CARHSP1: variants seen among roughly 807,000 people sequenced by gnomAD.
The protein encoded by CARHSP1 is calcium-regulated heat-stable protein 1.
CARHSP1 carries 14 observed loss-of-function variants against 12.5 expected under a neutral mutation model. The observed-to-expected ratio is 1.12, with a 90% CI of 0.74 to 1.75. CARHSP1 has a LOEUF of 1.75. CARHSP1 is among the 40% of genes most tolerant of loss of function. The pLI, the probability that CARHSP1 is intolerant of heterozygous loss-of-function variation, is 0.00. For missense variants in CARHSP1, 343 were observed against 201.6 expected (o/e 1.70, Z -4.25); for synonymous variants, 161 against 82.0 (o/e 1.96, Z -5.20).
chr16:8,861,522 G>C lies in CARHSP1; in HGVS notation c.-7-2187C>G, dbSNP rs530274609. The C allele has an allele frequency of 6.4e-5, 67 of 1,046,644 alleles. No individual in the cohort carries two copies. In the African/African-American group the frequency reaches 9.0e-4, roughly 14 times the overall value. 64.8% of individuals were successfully genotyped at this position (1,046,644 alleles called of 1,614,324 possible). On this transcript the variant is annotated intron_variant, in intron 1 of 3. Coordinates refer to ENST00000311052, the MANE Select transcript of CARHSP1 (RefSeq NM_014316.4). ...GCATAGCCACCCAAGAACCAGGCCC[G>C]ACTGCTCAGAGGAGAAGGGATGCCC... is the stretch of plus-strand genomic sequence containing the variant.
chr16:8,858,705 T>TTCCAGGAG, intron 2 of CARHSP1: 1 of 537,512 alleles, frequency 1.9e-6, no homozygotes. Context: ...TTTTCCCTCC[T>TTCCAGGAG]GGAAAGAGGG....
Position 8,857,263 on chromosome 16 carries a change from G to GTTTTTTGTTTTTTGTTTT in CARHSP1, c.281+1086_281+1087insAAAACAAAAAACAAAAAA, listed in dbSNP as rs1315960023. The stretch of plus-strand genomic sequence containing the variant: ...TGGCTATGTGATCTTGGGCAGATCT[G>GTTTTTTGTTTTTTGTTTT]TTTTTTTTTTTTTTTTTTTTTTTTT... On this transcript the variant is annotated intron_variant, in intron 3 of 3. Transcript: ENST00000311052. 3.2e-4 allele frequency among the ~76,000 whole-genome samples: 18 copies of GTTTTTTGTTTTTTGTTTT among 57,036 alleles called. 1 individual carries two copies. Among genetic ancestry groups the GTTTTTTGTTTTTTGTTTT allele is most frequent in the African/African-American group, 8.4e-4 (15 of 17,920 alleles). The allele number at this position is 57,036 out of a possible 152,430, so 37.4% of individuals were successfully genotyped here.
intron 1 of CARHSP1, chr16:8,861,627 T>C: frequency 4.7e-6 from 6 of 1,289,124 alleles, no homozygotes; most frequent in Non-Finnish European, 6.1e-6. Flanking sequence ...GCTGGGAAGC[T>C]GGTGGCTGGC....
intron 1 of CARHSP1, chr16:8,861,623 A>C: frequency 7.8e-7 from 1 of 1,289,066 alleles, no homozygotes; most frequent in South Asian, 1.2e-5. Flanking sequence ...TCGGGCTGGG[A>C]AGCTGGTGGC....
intron 1 of CARHSP1, chr16:8,860,537 G>A (rs551277360): frequency 2.0e-6 from 2 of 985,280 alleles, no homozygotes; most frequent in Admixed American, 6.1e-5. Context: ...AGGCCCTTGG[G>A]TAAGTCCTTT....
intron 3 of CARHSP1, 34 bp downstream of exon 3, chr16:8,858,316 C>G (rs746932306): frequency 1.6e-5 from 25 of 1,607,584 alleles, no homozygotes; most frequent in Non-Finnish European, 2.0e-5. Flanking sequence ...AGCGCCCACC[C>G]CAGCCAGGCC....
At chr16:8,866,378 G>C in intron 1 of CARHSP1, 1 of 938,746 alleles carries the variant, frequency 1.1e-6, no homozygotes, top group Non-Finnish European at 1.3e-6. Context: ...GAAGGGAAAT[G>C]GCGCAGGGAT....
chr16:8,858,132 A>T (rs2061209012), intron 3 of CARHSP1: 2 of 587,800 alleles, frequency 3.4e-6, no homozygotes, highest in East Asian at 5.8e-5. Context: ...TGTCGCCCCC[A>T]GCCTCACATC....
Position 8,853,865 on chromosome 16 carries a change from C to A in CARHSP1, c.*1299G>T, listed in dbSNP as rs909208212. 1 of 152,198 alleles carries A rather than the reference C, an allele frequency of 6.6e-6. No individual in the cohort carries two copies. The highest frequency in any genetic ancestry group is 1.5e-5 in the Non-Finnish European group (1 of 68,040). The allele number at this position is 152,198 out of a possible 1,614,324, so 9.4% of individuals were successfully genotyped here. ...CTTTGAGAGGCCGAGATGGGCAGAT[C>A]ATCTGAGGTCAGGGGTTCAAGACCA... On this transcript the variant is annotated 3_prime_UTR_variant, in exon 4 of 4. Transcript: ENST00000311052.
At chr16:8,855,548 C>A (rs926689587) in intron 3 of CARHSP1, among the ~76,000 whole-genome samples, 3 of 152,186 alleles carry the variant, frequency 2.0e-5, no homozygotes, top group African/African-American at 7.2e-5. Context: ...CAGCTCCTTC[C>A]CTGGGACTTT....
intron 1 of CARHSP1, chr16:8,868,713 G>C (rs2061486714): frequency 6.6e-6 from 1 of 151,970 alleles, no homozygotes; most frequent in Non-Finnish European, 1.5e-5. Context: ...GTGGCCAGGC[G>C]GGAAGTACTA....
At position 8,855,314 on chromosome 16, in the gene CARHSP1, C is replaced by T. The variant is rs1404800649; in HGVS notation, c.294G>A (p.Glu98=). 8 of 1,604,050 alleles carry T rather than the reference C, an allele frequency of 5.0e-6. No individual in the cohort carries two copies. The highest frequency in any genetic ancestry group is 6.8e-6 in the Non-Finnish European group (8 of 1,174,064). The change falls in exon 4 of 4, where the codon GAG becomes GAA. Residue 98 remains glutamate (E), a synonymous_variant. Coordinates refer to ENST00000311052, the MANE Select transcript of CARHSP1 (RefSeq NM_014316.4). ...IFLHISDVEG[E]YVPVEGDEVT... is the part of the protein sequence containing the mutation. ...CCTCGTCGCCTTCCACTGGGACATA[C>T]TCCCCTTCCACACTACGGGGGCATA...
intron 1 of CARHSP1, chr16:8,859,970 CT>C (rs2061297289): frequency 5.9e-6 from 1 of 169,544 alleles, no homozygotes; most frequent in Non-Finnish European, 1.0e-5. Flanking sequence ...GAGCAAGACT[CT>C]GTCTCAAAAA....
Position 8,858,467 on chromosome 16 carries a change from A to G in CARHSP1, c.164T>C (p.Val55Ala). The G allele has an allele frequency of 1.9e-6, 3 of 1,613,566 alleles. No homozygotes were observed. Among genetic ancestry groups the G allele is most frequent in the Middle Eastern group, 3.3e-4 (2 of 6,028 alleles). ...TRRTRTFSAT[V>A]RASQGPVYKG... ...GTAGACGGGGCCCTGTGAAGCCCGCACCGTCCTGACAGAGAGGGGGAAATG... is the reference window on the plus strand; with the variant it reads ...GTAGACGGGGCCCTGTGAAGCCCGCGCCGTCCTGACAGAGAGGGGGAAATG... Residue 55 changes from valine (V) to alanine (A), a missense_variant, in exon 3 of 4, where the codon GTG becomes GCG. By Grantham distance (64) the Val-to-Ala change is moderately conservative. Transcript: ENST00000311052.
At chr16:8,861,657 G>T in intron 1 of CARHSP1, 1 of 1,289,108 alleles carries the variant, frequency 7.8e-7, no homozygotes. Context: ...GGAGGAGGTG[G>T]CATCCTACCT....
At chr16:8,858,853 G>C (rs2061244485) in intron 2 of CARHSP1, 1 of 408,206 alleles carries the variant, frequency 2.4e-6, no homozygotes, top group African/African-American at 2.0e-5. Flanking sequence ...CTGGTGCTGT[G>C]CCCATTTTGC....
At chr16:8,858,857 AT>A in intron 2 of CARHSP1, 1 of 402,264 alleles carries the variant, frequency 2.5e-6, no homozygotes, top group Non-Finnish European at 4.5e-6. Flanking sequence ...TGCTGTGCCC[AT>A]TTTGCAGCTG....
chr16:8,858,257 C>T lies in CARHSP1; in HGVS notation c.281+93G>A, dbSNP rs1037808117. On this transcript the variant is annotated intron_variant, in intron 3 of 3. Transcript: ENST00000311052. ...AGGCCCAGCCATTCGTCCTCACACCCAGCGCCCATCAGAGTCACACACCAT... is the reference window on the plus strand; with the variant it reads ...AGGCCCAGCCATTCGTCCTCACACCTAGCGCCCATCAGAGTCACACACCAT... 1.6e-5 allele frequency: 23 copies of T among 1,445,872 alleles called. No individual in the cohort carries two copies. The Admixed American group carries it at 4.2e-4, about 26-fold the overall frequency. The allele number at this position is 1,445,872 out of a possible 1,614,324, so 89.6% of individuals were successfully genotyped here.
intron 1 of CARHSP1, among the ~76,000 whole-genome samples, chr16:8,863,137 T>TTTTCC (rs1555457603): frequency 7.9e-6 from 1 of 126,368 alleles, no homozygotes; most frequent in African/African-American, 3.1e-5. Flanking sequence ...TTTTTTTTTT[T>TTTTCC]CAGATAGGAT....
Sources: allele counts gnomAD v4.1 joint callset (sites outside exome capture counted in the v4.1 genomes callset), GRCh38; gene constraint gnomAD v4.1.1; transcripts MANE v1.5; gene names NCBI Gene and HGNC (gene_info 2026-07-23, HGNC 2026-07-21).